PCED1B: variants seen among roughly 807,000 people sequenced by gnomAD.
PCED1B encodes the protein PC-esterase domain containing 1B.
For missense variants in PCED1B, 573 were observed against 573.9 expected (o/e 1.00, Z 0.02); for synonymous variants, 251 against 246.1 (o/e 1.02, Z -0.19).
At chr12:47,176,663 C>T (rs59311714) in intron 2 of PCED1B, among the ~76,000 whole-genome samples, 2,828 of 152,200 alleles carry the variant, frequency 0.019, 70 homozygotes, top group African/African-American at 0.053. Flanking sequence ...AGTAAATTAT[C>T]GAACCTGAGA....
At chr12:47,206,790 T>A (rs567097495) in intron 2 of PCED1B, among the ~76,000 whole-genome samples, 19 of 152,074 alleles carry the variant, frequency 1.2e-4, no homozygotes, top group Non-Finnish European at 1.9e-4. Context: ...TTAAGGACCT[T>A]GTATGTTAAA....
intron 2 of PCED1B, among the ~76,000 whole-genome samples, chr12:47,127,040 G>A (rs996402086): frequency 7.9e-5 from 12 of 151,884 alleles, no homozygotes; most frequent in African/African-American, 2.9e-4. Flanking sequence ...CATTTCTTCT[G>A]CTGATTTGGG....
chr12:47,200,163 C>A (rs2137702526), intron 2 of PCED1B, among the ~76,000 whole-genome samples: 1 of 151,908 alleles, frequency 6.6e-6, no homozygotes, highest in African/African-American at 2.4e-5. Flanking sequence ...CCACTGCACT[C>A]CAGCCTGGGC....
chr12:47,203,597 G>T (rs761055537), intron 2 of PCED1B, among the ~76,000 whole-genome samples: 3 of 152,180 alleles, frequency 2.0e-5, no homozygotes, highest in Non-Finnish European at 4.4e-5. Context: ...AGTTTGCTAA[G>T]AATAATGGCT....
intron 1 of PCED1B, among the ~76,000 whole-genome samples, chr12:47,097,440 G>C (rs886159739): frequency 6.6e-6 from 1 of 152,174 alleles, no homozygotes; most frequent in African/African-American, 2.4e-5. Flanking sequence ...ACGCCTAAGG[G>C]AAGAAGGGAA....
At chr12:47,164,888 C>A (rs1941495867) in intron 2 of PCED1B, among the ~76,000 whole-genome samples, 1 of 152,198 alleles carries the variant, frequency 6.6e-6, no homozygotes, top group Non-Finnish European at 1.5e-5. Context: ...AATGAATTGG[C>A]TGAAATAGCC....
chr12:47,169,531 G>A (rs887564828), intron 2 of PCED1B, among the ~76,000 whole-genome samples: 2 of 152,018 alleles, frequency 1.3e-5, no homozygotes, highest in African/African-American at 4.8e-5. Flanking sequence ...TTTAATTTCT[G>A]TTTGTCATTA....
At chr12:47,220,849 G>C (rs952447706) in intron 3 of PCED1B, among the ~76,000 whole-genome samples, 1 of 152,146 alleles carries the variant, frequency 6.6e-6, no homozygotes, top group East Asian at 1.9e-4. Context: ...TGAAGGAGCA[G>C]AATTTCAGTA....
intron 2 of PCED1B, among the ~76,000 whole-genome samples, chr12:47,114,078 G>A (rs1244420297): frequency 1.3e-5 from 2 of 152,154 alleles, no homozygotes; most frequent in African/African-American, 4.8e-5. Flanking sequence ...CTAGGACTTA[G>A]ATAATTGACT....
At chr12:47,126,037 A>G (rs1045707162) in intron 2 of PCED1B, among the ~76,000 whole-genome samples, 2 of 152,072 alleles carry the variant, frequency 1.3e-5, no homozygotes, top group African/African-American at 2.4e-5. Flanking sequence ...ACTCTAGTAT[A>G]ATGTTCAATA....
intron 2 of PCED1B, among the ~76,000 whole-genome samples, chr12:47,108,428 G>T (rs1473123974): frequency 1.3e-5 from 2 of 152,138 alleles, no homozygotes; most frequent in African/African-American, 4.8e-5. Context: ...ACACGTTCCT[G>T]TTGTTCAGAT....
intron 2 of PCED1B, among the ~76,000 whole-genome samples, chr12:47,108,621 G>A (rs544862742): frequency 1.3e-5 from 2 of 152,174 alleles, no homozygotes; most frequent in African/African-American, 4.8e-5. Flanking sequence ...TTGGCCCTTT[G>A]CATTTTCTCT....
At chr12:47,220,084 A>AG (rs1347794298) in intron 3 of PCED1B, among the ~76,000 whole-genome samples, 157 of 143,730 alleles carry the variant, frequency 1.1e-3, no homozygotes, top group Admixed American at 1.5e-3. Flanking sequence ...AAAAAAAAAA[A>AG]AAAAAAGAAG....
chr12:47,179,602 C>A (rs1357970694), intron 2 of PCED1B, among the ~76,000 whole-genome samples: 1 of 152,194 alleles, frequency 6.6e-6, no homozygotes, highest in Non-Finnish European at 1.5e-5. Flanking sequence ...TGTGACACAA[C>A]TAATATTATG....
chr12:47,106,184 C>A (rs1024356946), intron 2 of PCED1B, among the ~76,000 whole-genome samples: 3 of 151,918 alleles, frequency 2.0e-5, no homozygotes, highest in African/African-American at 7.2e-5. Flanking sequence ...TCCACAAAGA[C>A]CATTTTATTT....
intron 2 of PCED1B, among the ~76,000 whole-genome samples, chr12:47,162,030 G>T (rs540672898): frequency 6.6e-6 from 1 of 150,992 alleles, no homozygotes; most frequent in African/African-American, 2.4e-5. Context: ...ACCAAACACC[G>T]CATGTTCTCA....
intron 2 of PCED1B, among the ~76,000 whole-genome samples, chr12:47,178,094 G>A (rs1941981050): frequency 1.3e-5 from 2 of 152,130 alleles, no homozygotes; most frequent in African/African-American, 4.8e-5. Flanking sequence ...ATCTGCTTAA[G>A]GGCCCACATG....
chr12:47,089,466 ATATATATATATATATATATATATATATG>A (rs1263669181), intron 1 of PCED1B, among the ~76,000 whole-genome samples: 7 of 87,720 alleles, frequency 8.0e-5, no homozygotes, highest in African/African-American at 1.8e-4. Context: ...AAATACATAT[ATATATATATATATATATATATATATATG>A]TATATACCAA....
chr12:47,222,533 C>T (rs1253940652), intron 3 of PCED1B, among the ~76,000 whole-genome samples: 1 of 151,890 alleles, frequency 6.6e-6, no homozygotes. Context: ...ATTCTCTCTA[C>T]CTGAATATGT....
Sources: allele counts gnomAD v4.1 joint callset (sites outside exome capture counted in the v4.1 genomes callset), GRCh38; gene constraint gnomAD v4.1.1; transcripts MANE v1.5; gene names NCBI Gene and HGNC (gene_info 2026-07-23, HGNC 2026-07-21).